Variants in ZC3H12B observed in about 807,000 individuals in gnomAD.
ZC3H12B encodes the protein probable ribonuclease ZC3H12B.
Under a neutral mutation model 43.9 loss-of-function variants are expected in ZC3H12B, and 7 were observed. The ratio of observed to expected loss-of-function variants is 0.16; its 90% CI spans 0.09 to 0.30. The LOEUF (loss-of-function observed/expected upper bound fraction) is 0.30, where lower values mean the gene tolerates loss of function less well. Among genes scored for constraint, ZC3H12B ranks in the 10% least tolerant of loss-of-function variants. The probability of loss-of-function intolerance (pLI) is 1.00; values close to 1 mark genes in which losing one functional copy is unlikely to be tolerated. For synonymous variants in ZC3H12B, 222 were observed against 241.7 expected (o/e 0.92, Z 0.76); for missense variants, 475 against 670.2 (o/e 0.71, Z 3.22).
chrX:65,150,013 A>T, the ZC3H12B span, among the ~76,000 whole-genome samples: 1 of 109,896 alleles, frequency 9.1e-6, no homozygotes, highest in Non-Finnish European at 1.9e-5. Flanking sequence ...ATAACAACTT[A>T]AATATCCATG....
chrX:65,170,521 C>G, the ZC3H12B span, among the ~76,000 whole-genome samples: 1 of 111,141 alleles, frequency 9.0e-6, no homozygotes, highest in African/African-American at 3.3e-5. Flanking sequence ...CTTGGAATTG[C>G]TCTTCTCTAG....
chrX:65,397,098 T>A (rs750401427), intron 2 of ZC3H12B, among the ~76,000 whole-genome samples: 1 of 111,952 alleles, frequency 8.9e-6, no homozygotes, highest in Admixed American at 9.4e-5. Flanking sequence ...TATGTGTCTT[T>A]GCACGTGAGA....
At chrX:65,475,506 T>C (rs1436939922) in intron 3 of ZC3H12B, among the ~76,000 whole-genome samples, 1 of 111,559 alleles carries the variant, frequency 9.0e-6, no homozygotes, top group Non-Finnish European at 1.9e-5. Context: ...AAGATTTCTG[T>C]TGAGAAATCC....
the ZC3H12B span, among the ~76,000 whole-genome samples, chrX:65,128,559 T>C: frequency 1.8e-5 from 2 of 112,025 alleles, no homozygotes; most frequent in Non-Finnish European, 3.8e-5. Flanking sequence ...TAAATAAATA[T>C]TGATTAATTC....
At chrX:65,329,331 G>T in the ZC3H12B span, among the ~76,000 whole-genome samples, 1 of 111,183 alleles carries the variant, frequency 9.0e-6, no homozygotes. Context: ...GTGTCTGTTG[G>T]CTGCATAAAT....
At chrX:65,216,227 G>C in the ZC3H12B span, among the ~76,000 whole-genome samples, 1 of 111,992 alleles carries the variant, frequency 8.9e-6, no homozygotes, top group African/African-American at 3.2e-5. Context: ...TTATTGGAAA[G>C]GGTAGGAAGG....
the ZC3H12B span, among the ~76,000 whole-genome samples, chrX:65,160,446 A>G: frequency 1.8e-5 from 2 of 111,622 alleles, no homozygotes; most frequent in African/African-American, 6.5e-5. Context: ...AGAGCCTGTT[A>G]TTGGTCTATT....
At chrX:65,386,331 A>T (rs2066525084) in intron 2 of ZC3H12B, among the ~76,000 whole-genome samples, 1 of 111,113 alleles carries the variant, frequency 9.0e-6, no homozygotes, top group African/African-American at 3.3e-5. Context: ...AGATCCTGTT[A>T]TTGGTCTATT....
intron 2 of ZC3H12B, among the ~76,000 whole-genome samples, chrX:65,391,326 A>G (rs2066613420): frequency 8.9e-6 from 1 of 112,557 alleles, no homozygotes; most frequent in African/African-American, 3.2e-5. Context: ...AAGTTATTAC[A>G]GGCACATTTA....
the ZC3H12B span, among the ~76,000 whole-genome samples, chrX:65,149,022 G>T: frequency 9.0e-6 from 1 of 111,302 alleles, no homozygotes; most frequent in African/African-American, 3.3e-5. Context: ...AGTTTTAGTT[G>T]TTTGGGTTTA....
the ZC3H12B span, among the ~76,000 whole-genome samples, chrX:65,267,199 CTT>C: frequency 2.2e-4 from 20 of 90,310 alleles, no homozygotes; most frequent in Non-Finnish European, 2.5e-4. Context: ...TTCTTTCTTT[CTT>C]TTTTTTTTTT....
the ZC3H12B span, among the ~76,000 whole-genome samples, chrX:65,069,151 G>T: frequency 1.8e-5 from 2 of 108,786 alleles, no homozygotes; most frequent in East Asian, 5.8e-4. Context: ...CTTGTATTTG[G>T]ATAACAATAT....
chrX:65,143,562 CTTT>C, the ZC3H12B span, among the ~76,000 whole-genome samples: 2 of 97,281 alleles, frequency 2.1e-5, no homozygotes, highest in Non-Finnish European at 2.1e-5. Flanking sequence ...GGTGAATTAT[CTTT>C]TTTTTTTTTT....
At chrX:65,396,768 T>C (rs1336038861) in intron 2 of ZC3H12B, among the ~76,000 whole-genome samples, 1 of 111,025 alleles carries the variant, frequency 9.0e-6, no homozygotes, top group African/African-American at 3.3e-5. Flanking sequence ...GTTAATAACC[T>C]GTCTCATTGA....
chrX:65,217,829 T>A, the ZC3H12B span, among the ~76,000 whole-genome samples: 1 of 111,201 alleles, frequency 9.0e-6, no homozygotes, highest in Non-Finnish European at 1.9e-5. Flanking sequence ...TGGGAAAAAT[T>A]AAGAGCTATT....
chrX:65,238,410 T>C, the ZC3H12B span, among the ~76,000 whole-genome samples: 1 of 112,176 alleles, frequency 8.9e-6, no homozygotes, highest in Non-Finnish European at 1.9e-5. Flanking sequence ...TCTCTGATGG[T>C]TGTTTGTATT....
chrX:65,330,408 C>T, the ZC3H12B span, among the ~76,000 whole-genome samples: 1 of 111,086 alleles, frequency 9.0e-6, no homozygotes, highest in Non-Finnish European at 1.9e-5. Context: ...CCTTCTCCTG[C>T]CTGATTGCCC....
At chrX:65,452,864 A>T (rs1300941330) in intron 3 of ZC3H12B, among the ~76,000 whole-genome samples, 2 of 109,732 alleles carry the variant, frequency 1.8e-5, no homozygotes, top group Non-Finnish European at 3.8e-5. Flanking sequence ...ACACACACAC[A>T]CACACACACA....
chrX:65,507,565 G>A, exon 5 of ZC3H12B: 1 of 111,547 alleles, frequency 9.0e-6, no homozygotes, highest in Middle Eastern at 4.6e-3. Context: ...TCCATTTGTG[G>A]GATTAAACAA....
Sources: allele counts gnomAD v4.1 joint callset (sites outside exome capture counted in the v4.1 genomes callset), GRCh38; gene constraint gnomAD v4.1.1; transcripts MANE v1.5; gene names NCBI Gene and HGNC (gene_info 2026-07-23, HGNC 2026-07-21).